DPYD: variants seen among roughly 807,000 people sequenced by gnomAD.
The protein encoded by DPYD is dihydropyrimidine dehydrogenase.
In DPYD, 109 loss-of-function variants were observed where a neutral mutation model predicts 116.2. That is an observed-to-expected ratio of 0.94 (90% CI 0.80 to 1.10). DPYD has a LOEUF of 1.10. Among genes scored for constraint, DPYD ranks in the 50% least tolerant of loss-of-function variants. The pLI, the probability that DPYD is intolerant of heterozygous loss-of-function variation, is 0.00. For missense variants in DPYD, 1,302 were observed against 1,254.5 expected, an observed-to-expected ratio of 1.04 and a Z score of -0.57; for synonymous variants, 440 against 432.0, an observed-to-expected ratio of 1.02 and a Z score of -0.23.
intron 18 of DPYD, among the ~76,000 whole-genome samples, chr1:97,297,297 C>T (rs1666594023): frequency 6.6e-6 from 1 of 152,184 alleles, no homozygotes; most frequent in Non-Finnish European, 1.5e-5. Context: ...ATAACCCTGG[C>T]AGTCTCCACC....
chr1:97,741,231 A>T (rs552867678), intron 3 of DPYD, among the ~76,000 whole-genome samples: 1 of 152,308 alleles, frequency 6.6e-6, no homozygotes, highest in East Asian at 1.9e-4. Flanking sequence ...GCAAGGAGCC[A>T]TTGAAGCATT....
At chr1:97,466,898 G>T (rs1393635437) in intron 13 of DPYD, among the ~76,000 whole-genome samples, 1 of 152,092 alleles carries the variant, frequency 6.6e-6, no homozygotes, top group African/African-American at 2.4e-5. Context: ...ACAGAAAACA[G>T]GTTATTGAGA....
At chr1:97,323,392 G>GTATACATATGTGTATATGTACACGTATA (rs779727879) in intron 16 of DPYD, among the ~76,000 whole-genome samples, 5 of 80,192 alleles carry the variant, frequency 6.2e-5, no homozygotes, top group South Asian at 4.7e-4. Flanking sequence ...GTACACGTAT[G>GTATACATATGTGTATATGTACACGTATA]TATACATATG....
At chr1:97,334,379 G>C (rs1198732278) in intron 16 of DPYD, among the ~76,000 whole-genome samples, 1 of 152,162 alleles carries the variant, frequency 6.6e-6, no homozygotes, top group Non-Finnish European at 1.5e-5. Flanking sequence ...ACAAGTGCTA[G>C]CATGGGGTAT....
chr1:97,538,949 C>T (rs1332809000), intron 12 of DPYD, among the ~76,000 whole-genome samples: 1 of 151,982 alleles, frequency 6.6e-6, no homozygotes, highest in Non-Finnish European at 1.5e-5. Flanking sequence ...TTATCAAACA[C>T]CTTAACGTGG....
intron 15 of DPYD, among the ~76,000 whole-genome samples, chr1:97,374,764 C>G (rs944950670): frequency 2.2e-5 from 3 of 138,572 alleles, no homozygotes; most frequent in Admixed American, 7.7e-5. Flanking sequence ...TTATAGTGGC[C>G]GGGTGCAGTG....
intron 19 of DPYD, among the ~76,000 whole-genome samples, chr1:97,209,965 C>A (rs571842991): frequency 6.6e-6 from 1 of 152,230 alleles, no homozygotes; most frequent in South Asian, 2.1e-4. Context: ...TTCATATCTG[C>A]CAAACGAAGC....
intron 16 of DPYD, among the ~76,000 whole-genome samples, chr1:97,308,820 A>G (rs1016178698): frequency 6.6e-6 from 1 of 151,874 alleles, no homozygotes; most frequent in Non-Finnish European, 1.5e-5. Context: ...AATTCTTCCC[A>G]AAATCTTCAG....
chr1:97,176,672 G>C (rs770175221), intron 20 of DPYD, among the ~76,000 whole-genome samples: 1 of 152,112 alleles, frequency 6.6e-6, no homozygotes, highest in Non-Finnish European at 1.5e-5. Context: ...CACTGAACTG[G>C]GATGTTGGGT....
chr1:97,104,069 C>T (rs1365910365), intron 20 of DPYD, among the ~76,000 whole-genome samples: 2 of 152,062 alleles, frequency 1.3e-5, no homozygotes, highest in African/African-American at 4.8e-5. Context: ...TTTAGAATAT[C>T]CTGGGCATAT....
intron 21 of DPYD, among the ~76,000 whole-genome samples, chr1:97,092,714 C>A (rs1369946427): frequency 6.6e-6 from 1 of 151,992 alleles, no homozygotes; most frequent in East Asian, 1.9e-4. Flanking sequence ...ACATTCAAAT[C>A]TAAGTTTTTC....
chr1:97,834,596 T>C (rs1437595221), intron 2 of DPYD, among the ~76,000 whole-genome samples: 1 of 152,062 alleles, frequency 6.6e-6, no homozygotes, highest in African/African-American at 2.4e-5. Context: ...ATATGAGGAA[T>C]ATTTAAATAA....
intron 14 of DPYD, among the ~76,000 whole-genome samples, chr1:97,403,593 A>G (rs942248381): frequency 3.3e-5 from 5 of 152,046 alleles, no homozygotes; most frequent in Non-Finnish European, 7.4e-5. Flanking sequence ...ATCTGTGGGC[A>G]TGGAGTTGTT....
chr1:97,236,415 A>C (rs1231161678), intron 18 of DPYD, among the ~76,000 whole-genome samples: 1 of 151,928 alleles, frequency 6.6e-6, no homozygotes, highest in East Asian at 1.9e-4. Flanking sequence ...AAATAAAATA[A>C]AATAATTAAA....
chr1:97,346,618 C>T (rs1669859191), intron 16 of DPYD, among the ~76,000 whole-genome samples: 1 of 151,748 alleles, frequency 6.6e-6, no homozygotes, highest in African/African-American at 2.4e-5. Context: ...TACCGTACTG[C>T]CTATCACATA....
At chr1:97,173,743 TA>T (rs1381857833) in intron 20 of DPYD, among the ~76,000 whole-genome samples, 1 of 150,038 alleles carries the variant, frequency 6.7e-6, no homozygotes, top group Non-Finnish European at 1.5e-5. Context: ...AAATTCTAAT[TA>T]GTACCAAAAA....
At chr1:97,584,054 C>T (rs1400299509) in intron 10 of DPYD, among the ~76,000 whole-genome samples, 10 of 152,196 alleles carry the variant, frequency 6.6e-5, no homozygotes, top group Admixed American at 4.6e-4. Flanking sequence ...GTTCCTATTT[C>T]TCCACATCCT....
At chr1:97,788,528 G>A (rs1667157142) in intron 3 of DPYD, among the ~76,000 whole-genome samples, 2 of 152,086 alleles carry the variant, frequency 1.3e-5, no homozygotes, top group Admixed American at 6.6e-5. Flanking sequence ...CAAGACCAAC[G>A]AACTACCCAC....
Position 97,699,463 on chromosome 1 carries a change from T to A in DPYD, c.568A>T (p.Ile190Phe), listed in dbSNP as rs368152149. The change falls in exon 6 of 23, where the codon ATT (isoleucine) becomes TTT (phenylalanine). Residue 190 changes from isoleucine (I) to phenylalanine (F), a missense_variant. Physicochemically the swap from Ile to Phe is conservative, Grantham distance 21. Transcript: ENST00000370192. ...GCAGGCCCAGCACCAAAAAGAGCAATCTTTGCAGAATAGGCTTCAGACATT... is the reference window on the plus strand; with the variant it reads ...GCAGGCCCAGCACCAAAAAGAGCAAACTTTGCAGAATAGGCTTCAGACATT... ...EKMSEAYSAK[I>F]ALFGAGPASI... 9.3e-6 allele frequency: 15 copies of A among 1,613,586 alleles called. No individual in the cohort carries two copies. Among genetic ancestry groups the A allele is most frequent in the Non-Finnish European group, 1.3e-5 (15 of 1,179,696 alleles).
Sources: allele counts gnomAD v4.1 joint callset (sites outside exome capture counted in the v4.1 genomes callset), GRCh38; gene constraint gnomAD v4.1.1; transcripts MANE v1.5; gene names NCBI Gene and HGNC (gene_info 2026-07-23, HGNC 2026-07-21).